ARMC3: variants seen among roughly 807,000 people sequenced by gnomAD.
ARMC3 encodes the protein armadillo repeat-containing protein 3.
Under a neutral mutation model 90.3 loss-of-function variants are expected in ARMC3, and 74 were observed. That is an observed-to-expected ratio of 0.82 (90% CI 0.68 to 0.99). The LOEUF is 0.99. Ranked by LOEUF, ARMC3 falls within the 50% of genes least tolerant of loss-of-function variation. The probability of loss-of-function intolerance (pLI) is 0.00; values close to 1 mark genes in which losing one functional copy is unlikely to be tolerated. For synonymous variants in ARMC3, 334 were observed against 361.8 expected, an observed-to-expected ratio of 0.92 and a Z score of 0.87; for missense variants, 958 against 1,042.8, an observed-to-expected ratio of 0.92 and a Z score of 1.12.
At chr10:23,000,775 C>T (rs1295270779) in intron 11 of ARMC3, among the ~76,000 whole-genome samples, 1 of 152,180 alleles carries the variant, frequency 6.6e-6, no homozygotes, top group South Asian at 2.1e-4. Context: ...ATGAGAGTGA[C>T]TGAAAGTGGA....
intron 2 of ARMC3, among the ~76,000 whole-genome samples, chr10:22,941,481 A>T (rs959838870): frequency 4.6e-5 from 7 of 152,200 alleles, no homozygotes; most frequent in African/African-American, 1.7e-4. Context: ...ATATAAAGTA[A>T]GATGAGAATG....
chr10:23,037,138 C>T, intron 18 of ARMC3, 132 bp from the exon 19 acceptor site: 1 of 785,316 alleles, frequency 1.3e-6, no homozygotes, highest in Non-Finnish European at 1.9e-6. Flanking sequence ...CCACATCTTT[C>T]AGCCTCCTAT....
At chr10:22,981,823 G>T (rs995745514) in intron 10 of ARMC3, 123 bp downstream of exon 10, 13 of 827,060 alleles carry the variant, frequency 1.6e-5, no homozygotes, top group Admixed American at 1.0e-4. Flanking sequence ...CTATCTTGGG[G>T]TTATTCTTCA....
chr10:23,032,760 C>A, intron 17 of ARMC3, 101 bp from the exon 18 acceptor site: 1 of 1,230,390 alleles, frequency 8.1e-7, no homozygotes, highest in Non-Finnish European at 1.1e-6. Context: ...AAAATCACAG[C>A]AAATGTCATT....
intron 16 of ARMC3, among the ~76,000 whole-genome samples, chr10:23,016,607 G>T (rs1838283451): frequency 6.6e-6 from 1 of 152,142 alleles, no homozygotes. Context: ...ATTTCCATAT[G>T]CATGAAATGA....
chr10:23,003,663 T>C (rs1458298230), intron 13 of ARMC3, among the ~76,000 whole-genome samples: 1 of 152,180 alleles, frequency 6.6e-6, no homozygotes, highest in East Asian at 1.9e-4. Flanking sequence ...TCAGATAAGA[T>C]ACAAAAGAAG....
intron 12 of ARMC3, among the ~76,000 whole-genome samples, 178 bp from the exon 13 acceptor site, chr10:23,003,068 C>G (rs1191953528): frequency 6.6e-6 from 1 of 152,138 alleles, no homozygotes; most frequent in Non-Finnish European, 1.5e-5. Context: ...CATATGTATC[C>G]TTAAGAAGGG....
At chr10:22,958,515 T>C (rs1703570292) in intron 4 of ARMC3, among the ~76,000 whole-genome samples, 1 of 152,180 alleles carries the variant, frequency 6.6e-6, no homozygotes, top group Non-Finnish European at 1.5e-5. Context: ...CTTTGCACTT[T>C]TATGGTTGTT....
At chr10:23,036,097 A>G (rs1194295939) in intron 18 of ARMC3, among the ~76,000 whole-genome samples, 1 of 152,216 alleles carries the variant, frequency 6.6e-6, no homozygotes, top group Non-Finnish European at 1.5e-5. Context: ...AATAGCATCT[A>G]TTCCACAGGG....
At chr10:23,007,080 T>C in intron 14 of ARMC3, 99 bp downstream of exon 14, 2 of 974,752 alleles carry the variant, frequency 2.1e-6, no homozygotes, top group Admixed American at 2.5e-5. Flanking sequence ...CCCAGACCCT[T>C]TTCTCCTGTA....
At chr10:23,030,201 A>G (rs574352975) in intron 16 of ARMC3, among the ~76,000 whole-genome samples, 1 of 152,258 alleles carries the variant, frequency 6.6e-6, no homozygotes, top group South Asian at 2.1e-4. Context: ...AACTTTACAT[A>G]TGTATAAAAT....
chr10:22,986,139 T>G, intron 10 of ARMC3, among the ~76,000 whole-genome samples: 1 of 89,658 alleles, frequency 1.1e-5, no homozygotes, highest in African/African-American at 4.5e-5. Context: ...CACCAACCAC[T>G]AGCATCCATG....
intron 16 of ARMC3, among the ~76,000 whole-genome samples, chr10:23,021,089 T>G (rs1306807364): frequency 6.6e-6 from 1 of 152,206 alleles, no homozygotes; most frequent in Non-Finnish European, 1.5e-5. Context: ...CTGCATTAAT[T>G]CACTTAGGAT....
rs373107740 is a variant in ARMC3, at chr10:22,937,291, A to G, written c.48+5247A>G. Among the ~76,000 whole-genome samples, 12 of 152,298 alleles carry G rather than the reference A, an allele frequency of 7.9e-5. No individual in the cohort carries two copies. The East Asian group carries it at 2.1e-3, about 27-fold the overall frequency. ...TTTACTAAAGCTTATGTTTAAATGT[A>G]TTTTCGTATACTCTACCTACTCCTC... On this transcript the variant is annotated intron_variant, in intron 2 of 18. Transcript: ENST00000298032.
chr10:22,931,907 G>C (rs1396091664), intron 1 of ARMC3, 89 bp from the exon 2 acceptor site: 2 of 1,127,098 alleles, frequency 1.8e-6, no homozygotes, highest in African/African-American at 3.2e-5. Flanking sequence ...AAAATTTAAA[G>C]GAGAAAATAA....
chr10:22,979,896 A>G (rs528193222), intron 8 of ARMC3, among the ~76,000 whole-genome samples: 1 of 152,308 alleles, frequency 6.6e-6, no homozygotes, highest in South Asian at 2.1e-4. Flanking sequence ...AGGAGCGTTA[A>G]TAACTTAGCC....
intron 1 of ARMC3, among the ~76,000 whole-genome samples, chr10:22,930,933 TTC>T (rs1491167895): frequency 2.9e-5 from 4 of 138,720 alleles, no homozygotes; most frequent in Admixed American, 7.5e-5. Context: ...CTTGAAAAGT[TTC>T]TTTTTTTTTT....
chr10:23,031,701 G>C (rs1018434695), intron 17 of ARMC3, among the ~76,000 whole-genome samples: 1 of 152,014 alleles, frequency 6.6e-6, no homozygotes, highest in Non-Finnish European at 1.5e-5. Flanking sequence ...TTCATGCTTT[G>C]TTCCTATCAG....
intron 7 of ARMC3, among the ~76,000 whole-genome samples, chr10:22,962,466 A>C (rs2131262775): frequency 6.6e-6 from 1 of 152,268 alleles, no homozygotes; most frequent in Middle Eastern, 3.4e-3. Context: ...TTAAGAATCA[A>C]ACTTTAAGAA....
Sources: gnomAD v4.1 joint callset for allele counts (sites outside exome capture counted in the v4.1 genomes callset) on GRCh38, gnomAD v4.1.1 for gene constraint, MANE v1.5 for transcripts, NCBI Gene and HGNC (gene_info 2026-07-23, HGNC 2026-07-21) for gene names.